The following VAV3 variants were observed in gnomAD, a reference collection of about 807,000 sequenced individuals.
VAV3 encodes guanine nucleotide exchange factor VAV3.
Under a neutral mutation model 131.2 loss-of-function variants are expected in VAV3, and 94 were observed. The observed-to-expected ratio is 0.72, with a 90% CI of 0.61 to 0.85. The LOEUF is 0.85. VAV3 is among the 40% of genes least tolerant of loss of function. The pLI is 0.00. For missense variants in VAV3, 939 were observed against 1,002.7 expected (o/e 0.94, Z 0.86); for synonymous variants, 349 against 342.0 (o/e 1.02, Z -0.22).
At chr1:107,801,498 T>C (rs1420163158) in intron 2 of VAV3, among the ~76,000 whole-genome samples, 1 of 152,150 alleles carries the variant, frequency 6.6e-6, no homozygotes, top group Non-Finnish European at 1.5e-5. Context: ...CAACCTGAAT[T>C]AATAGGTAGA....
chr1:107,747,711 T>G (rs184802652), intron 15 of VAV3, among the ~76,000 whole-genome samples: 14 of 152,308 alleles, frequency 9.2e-5, no homozygotes, highest in Admixed American at 5.2e-4. Flanking sequence ...ATGAGGAAAC[T>G]GAGGCTGTGA....
At chr1:107,730,457 AG>A (rs1161638991) in intron 15 of VAV3, among the ~76,000 whole-genome samples, 4 of 152,216 alleles carry the variant, frequency 2.6e-5, no homozygotes, top group Non-Finnish European at 5.9e-5. Context: ...AACTGGGAGA[AG>A]AAAACACCAC....
At chr1:107,922,939 G>A (rs1039997562) in intron 1 of VAV3, among the ~76,000 whole-genome samples, 17 of 140,338 alleles carry the variant, frequency 1.2e-4, no homozygotes, top group Admixed American at 7.4e-4. Context: ...GCGACAGAGC[G>A]AGACTCCGTC....
intron 20 of VAV3, among the ~76,000 whole-genome samples, chr1:107,634,610 A>C (rs1469790067): frequency 6.6e-6 from 1 of 152,138 alleles, no homozygotes; most frequent in Non-Finnish European, 1.5e-5. Context: ...ATGAAAGCCA[A>C]AATTGACAAA....
intron 2 of VAV3, among the ~76,000 whole-genome samples, chr1:107,830,201 TAC>T (rs1398898729): frequency 6.6e-6 from 1 of 151,644 alleles, no homozygotes; most frequent in African/African-American, 2.4e-5. Flanking sequence ...AAGACATAAT[TAC>T]ACACTTTTTT....
At chr1:107,638,582 T>C (rs1463131448) in intron 20 of VAV3, among the ~76,000 whole-genome samples, 1 of 152,192 alleles carries the variant, frequency 6.6e-6, no homozygotes, top group African/African-American at 2.4e-5. Flanking sequence ...GACTCAGTCT[T>C]GTTAGGATGT....
intron 5 of VAV3, 101 bp downstream of exon 5, chr1:107,772,633 AG>A (rs1188124113): frequency 1.0e-6 from 1 of 953,714 alleles, no homozygotes; most frequent in Non-Finnish European, 1.6e-6. Flanking sequence ...AAGCAAGCAA[AG>A]GTTAAAAAAA....
At chr1:107,908,774 T>A (rs181631853) in intron 1 of VAV3, among the ~76,000 whole-genome samples, 7 of 150,498 alleles carry the variant, frequency 4.7e-5, no homozygotes, top group African/African-American at 7.4e-5. Flanking sequence ...AAGCAGTTGT[T>A]TTTTAAAATT....
intron 1 of VAV3, among the ~76,000 whole-genome samples, chr1:107,934,848 C>G (rs1010304348): frequency 2.6e-5 from 4 of 152,156 alleles, no homozygotes; most frequent in Admixed American, 1.3e-4. Context: ...ACATGCTAAA[C>G]AAAATATAGC....
rs1239341451 is a variant in VAV3, at chr1:107,946,100, GT to G, written c.204+18565del. 4.6e-5 allele frequency among the ~76,000 whole-genome samples: 7 copies of G among 152,188 alleles called. No individual in the cohort carries two copies. The East Asian group carries it at 1.4e-3, about 29-fold the overall frequency. ...AAGGGGTTCACTCGATAAGATTAAT[GT>G]TTTGGCTATTTATCAAGATTACTGA... On this transcript the variant is annotated intron_variant, in intron 1 of 26. Transcript: ENST00000370056.
At chr1:107,780,194 T>C (rs75033187) in intron 2 of VAV3, among the ~76,000 whole-genome samples, 4,681 of 152,302 alleles carry the variant, frequency 0.031, 102 homozygotes, top group Non-Finnish European at 0.051. Context: ...AATAGTTAGA[T>C]TATTAACAAT....
At chr1:107,721,851 T>C (rs1661521217) in intron 15 of VAV3, among the ~76,000 whole-genome samples, 1 of 152,240 alleles carries the variant, frequency 6.6e-6, no homozygotes, top group Admixed American at 6.5e-5. Context: ...ACTCAACCTG[T>C]TGCCTTGTGT....
At chr1:107,651,933 C>T (rs1315842853) in intron 19 of VAV3, among the ~76,000 whole-genome samples, 2 of 152,114 alleles carry the variant, frequency 1.3e-5, no homozygotes, top group Non-Finnish European at 2.9e-5. Flanking sequence ...CACTTGCTCA[C>T]TCTTTTTAGT....
At chr1:107,612,058 T>A (rs1386126538) in intron 21 of VAV3, among the ~76,000 whole-genome samples, 6 of 152,054 alleles carry the variant, frequency 3.9e-5, no homozygotes, top group African/African-American at 1.4e-4. Flanking sequence ...CCATTAACAC[T>A]GCAAAACTTC....
At chr1:107,950,817 A>G (rs1430212006) in intron 1 of VAV3, among the ~76,000 whole-genome samples, 1 of 152,184 alleles carries the variant, frequency 6.6e-6, no homozygotes, top group Non-Finnish European at 1.5e-5. Flanking sequence ...TCAGTCAACT[A>G]AAGAGCACAG....
chr1:107,852,656 T>C (rs10159434), intron 2 of VAV3, among the ~76,000 whole-genome samples: 1 of 151,994 alleles, frequency 6.6e-6, no homozygotes, highest in Non-Finnish European at 1.5e-5. Flanking sequence ...TATTGAATGG[T>C]TGTTAGTTTT....
At chr1:107,687,505 A>G (rs1659115107) in intron 18 of VAV3, among the ~76,000 whole-genome samples, 2 of 152,098 alleles carry the variant, frequency 1.3e-5, no homozygotes, top group African/African-American at 2.4e-5. Context: ...CTAATCACAC[A>G]TAGTTTGTAT....
In VAV3 at chr1:107,571,181, T is replaced by C. The variant is rs1445839002; in HGVS notation, c.*2150A>G. On this transcript the variant is annotated 3_prime_UTR_variant, in exon 27 of 27. Transcript: ENST00000370056. ...AGAAATCAATTTAGTCACTATTTATTATATTGACATATTTACAAAATAATA... is the reference window on the plus strand; with the variant it reads ...AGAAATCAATTTAGTCACTATTTATCATATTGACATATTTACAAAATAATA... 1 of 152,704 alleles carries C rather than the reference T, an allele frequency of 6.5e-6. No individual in the cohort carries two copies. Among genetic ancestry groups the C allele is most frequent in the Non-Finnish European group, 1.5e-5 (1 of 68,048 alleles). 9.5% of individuals were successfully genotyped at this position (152,704 alleles called of 1,614,324 possible).
intron 1 of VAV3, among the ~76,000 whole-genome samples, chr1:107,890,939 A>G (rs1208877636): frequency 6.6e-6 from 1 of 152,164 alleles, no homozygotes; most frequent in African/African-American, 2.4e-5. Flanking sequence ...TTACTCCTAT[A>G]AGGCAGATGT....
Sources: gnomAD v4.1 joint callset for allele counts (sites outside exome capture counted in the v4.1 genomes callset) on GRCh38, gnomAD v4.1.1 for gene constraint, MANE v1.5 for transcripts, NCBI Gene and HGNC (gene_info 2026-07-23, HGNC 2026-07-21) for gene names.